FXR1: variants seen among roughly 807,000 people sequenced by gnomAD.
FXR1 encodes the protein RNA-binding protein FXR1.
FXR1 carries 15 observed loss-of-function variants against 84.0 expected under a neutral mutation model. The ratio of observed to expected loss-of-function variants is 0.18; its 90% CI spans 0.12 to 0.27. The LOEUF (loss-of-function observed/expected upper bound fraction) is 0.27, where lower values mean the gene tolerates loss of function less well. Ranked by LOEUF, FXR1 falls within the 10% of genes least tolerant of loss-of-function variation. The pLI, the probability that FXR1 is intolerant of heterozygous loss-of-function variation, is 1.00. For missense variants in FXR1, 480 were observed against 774.4 expected, an observed-to-expected ratio of 0.62 and a Z score of 4.51; for synonymous variants, 245 against 250.7, an observed-to-expected ratio of 0.98 and a Z score of 0.21.
At chr3:180,925,930 T>C (rs571332156) in intron 1 of FXR1, among the ~76,000 whole-genome samples, 1 of 152,180 alleles carries the variant, frequency 6.6e-6, no homozygotes, top group African/African-American at 2.4e-5. Context: ...ACTGATGTAG[T>C]TGGGGTAAAT....
intron 2 of FXR1, among the ~76,000 whole-genome samples, chr3:180,934,234 G>C (rs1720277007): frequency 6.6e-6 from 1 of 152,208 alleles, no homozygotes; most frequent in South Asian, 2.1e-4. Flanking sequence ...AACAAGTGTT[G>C]AGATGATTTC....
chr3:180,966,158 G>A (rs1712805224), intron 13 of FXR1, among the ~76,000 whole-genome samples: 1 of 151,980 alleles, frequency 6.6e-6, no homozygotes, highest in South Asian at 2.1e-4. Flanking sequence ...TGTTAATAAA[G>A]TACTTTTTGT....
chr3:180,924,476 G>T (rs1259465085), intron 1 of FXR1, among the ~76,000 whole-genome samples: 1 of 152,176 alleles, frequency 6.6e-6, no homozygotes, highest in African/African-American at 2.4e-5. Flanking sequence ...CCTGTTAAAT[G>T]GATCATGCTG....
At chr3:180,935,927 C>T (rs1720473578) in intron 3 of FXR1, among the ~76,000 whole-genome samples, 1 of 151,682 alleles carries the variant, frequency 6.6e-6, no homozygotes, top group Non-Finnish European at 1.5e-5. Context: ...GAGTTTCCCT[C>T]GTCTTCCAGG....
chr3:180,975,538 GAA>G (rs1714131030), intron 16 of FXR1, 134 bp downstream of exon 16: 2 of 459,460 alleles, frequency 4.4e-6, no homozygotes, highest in South Asian at 8.7e-5. Flanking sequence ...AAAGACTCTT[GAA>G]TATGTTCTTG....
intron 3 of FXR1, among the ~76,000 whole-genome samples, chr3:180,942,196 G>A (rs1721197945): frequency 6.6e-6 from 1 of 151,864 alleles, no homozygotes. Flanking sequence ...GGCTAACACG[G>A]TGAAACCCCA....
intron 15 of FXR1, among the ~76,000 whole-genome samples, chr3:180,974,047 G>A (rs1339100756): frequency 6.6e-6 from 1 of 151,704 alleles, no homozygotes; most frequent in Non-Finnish European, 1.5e-5. Flanking sequence ...AGTATATATT[G>A]TACTTTTACA....
At chr3:180,935,018 G>T in intron 2 of FXR1, 120 bp from the exon 3 acceptor site, 3 of 558,280 alleles carry the variant, frequency 5.4e-6, no homozygotes, top group East Asian at 3.0e-5. Context: ...TTAATAGTAT[G>T]AATGTTGTTT....
At chr3:180,974,736 G>A (rs1245535216) in intron 15 of FXR1, among the ~76,000 whole-genome samples, 1 of 151,918 alleles carries the variant, frequency 6.6e-6, no homozygotes, top group Non-Finnish European at 1.5e-5. Context: ...TCTTTAGTTT[G>A]CTTGTAGTTT....
intron 13 of FXR1, among the ~76,000 whole-genome samples, chr3:180,964,734 A>G (rs1467256199): frequency 6.8e-6 from 1 of 147,984 alleles, no homozygotes; most frequent in Non-Finnish European, 1.5e-5. Flanking sequence ...TTTAATAGGA[A>G]CTATAAGAAA....
intron 10 of FXR1, 54 bp downstream of exon 10, chr3:180,957,982 TTAA>T: frequency 1.3e-6 from 1 of 756,804 alleles, no homozygotes; most frequent in Non-Finnish European, 2.3e-6. Flanking sequence ...TTTGGCCAAC[TTAA>T]TAGTTGTAAA....
intron 1 of FXR1, among the ~76,000 whole-genome samples, chr3:180,913,248 A>G (rs1483052996): frequency 6.6e-6 from 1 of 152,162 alleles, no homozygotes; most frequent in Non-Finnish European, 1.5e-5. Context: ...GTTTTGGGCC[A>G]ACAAATCTTT....
chr3:180,930,549 G>C (rs2108439771), intron 1 of FXR1, among the ~76,000 whole-genome samples: 1 of 150,698 alleles, frequency 6.6e-6, no homozygotes, highest in Non-Finnish European at 1.5e-5. Context: ...AACTTTGTGA[G>C]AGTTTGTTGA....
At chr3:180,964,520 G>A (rs2108486663) in intron 13 of FXR1, among the ~76,000 whole-genome samples, 1 of 152,098 alleles carries the variant, frequency 6.6e-6, no homozygotes, top group Admixed American at 6.5e-5. Flanking sequence ...TCAGTAGATG[G>A]CACTCTTAGC....
chr3:180,973,830 T>C (rs1713887255), intron 15 of FXR1, among the ~76,000 whole-genome samples: 1 of 152,200 alleles, frequency 6.6e-6, no homozygotes, highest in African/African-American at 2.4e-5. Context: ...TTGGATCTTA[T>C]GAAAGTGTTA....
chr3:180,977,487 C>A lies in FXR1; in HGVS notation c.*1195C>A. ...TTTTAAATAATAGGCCAATGATTTGCTTTATTCATTCTCAACTTATTTTGA... is the reference window on the plus strand; with the variant it reads ...TTTTAAATAATAGGCCAATGATTTGATTTATTCATTCTCAACTTATTTTGA... On this transcript the variant is annotated 3_prime_UTR_variant, in exon 17 of 17. Coordinates refer to ENST00000357559, the MANE Select transcript of FXR1 (RefSeq NM_005087.4). 6.6e-6 allele frequency: 1 copy of A among 152,014 alleles called. No individual in the cohort carries two copies. Among genetic ancestry groups the A allele is most frequent in the East Asian group, 1.9e-4 (1 of 5,196 alleles). The allele number at this position is 152,014 out of a possible 1,614,324, so 9.4% of individuals were successfully genotyped here.
intron 7 of FXR1, 46 bp downstream of exon 7, chr3:180,949,389 TTTTG>T (rs1303345544): frequency 1.1e-6 from 1 of 932,802 alleles, no homozygotes; most frequent in South Asian, 1.3e-5. Flanking sequence ...CCCATTTAGT[TTTTG>T]TTTGTTTTTT....
At chr3:180,916,725 A>G (rs1229540397) in intron 1 of FXR1, among the ~76,000 whole-genome samples, 2 of 152,084 alleles carry the variant, frequency 1.3e-5, no homozygotes, top group South Asian at 2.1e-4. Flanking sequence ...AATTTTAAAT[A>G]GAAGTTGGAA....
rs1321872197 is a variant in FXR1 at position 180,966,097 on chromosome 3, T to TC, written c.1199-1953dup. On this transcript the variant is annotated intron_variant, in intron 13 of 16. Transcript: ENST00000357559. The stretch of plus-strand genomic sequence containing the variant: ...TAAACATTCTGAAAGGCTTTTTTTT[T>TC]CACTATTCAAGGAAAGATAAATTGC... 2.6e-5 allele frequency among the ~76,000 whole-genome samples: 4 copies of TC among 152,186 alleles called. No homozygotes were observed. The South Asian group carries it at 6.2e-4, about 24-fold the overall frequency.
Sources: allele counts gnomAD v4.1 joint callset (sites outside exome capture counted in the v4.1 genomes callset), GRCh38; gene constraint gnomAD v4.1.1; transcripts MANE v1.5; gene names NCBI Gene and HGNC (gene_info 2026-07-23, HGNC 2026-07-21).